The following MEGF10 variants were observed in gnomAD, a reference collection of about 807,000 sequenced individuals.
The protein encoded by MEGF10 is multiple epidermal growth factor-like domains protein 10.
MEGF10 carries 86 observed loss-of-function variants against 147.5 expected under a neutral mutation model. The observed-to-expected ratio is 0.58, with a 90% CI of 0.49 to 0.70. The LOEUF is 0.70. Ranked by LOEUF, MEGF10 falls within the 30% of genes least tolerant of loss-of-function variation. The pLI is 0.00. For synonymous variants in MEGF10, 478 were observed against 525.5 expected, an observed-to-expected ratio of 0.91 and a Z score of 1.24; for missense variants, 1,329 against 1,487.3, an observed-to-expected ratio of 0.89 and a Z score of 1.75.
At chr5:127,247,338 G>C in the MEGF10 span, among the ~76,000 whole-genome samples, 1 of 2,566 alleles carries the variant, frequency 3.9e-4, no homozygotes, top group East Asian at 0.012. Flanking sequence ...AGAAGAAGAA[G>C]AAGAAGAAGA....
intron 1 of MEGF10, among the ~76,000 whole-genome samples, chr5:127,316,987 G>A (rs979366941): frequency 3.3e-5 from 5 of 152,224 alleles, no homozygotes; most frequent in South Asian, 2.1e-4. Context: ...CAGCATGGGC[G>A]AAGACAGAGG....
At chr5:127,389,573 T>C (rs1211731965) in intron 5 of MEGF10, among the ~76,000 whole-genome samples, 1 of 152,174 alleles carries the variant, frequency 6.6e-6, no homozygotes, top group Non-Finnish European at 1.5e-5. Context: ...AAATACACCA[T>C]GGAATACTGT....
At chr5:127,366,360 A>T (rs1412841747) in intron 4 of MEGF10, among the ~76,000 whole-genome samples, 1 of 152,176 alleles carries the variant, frequency 6.6e-6, no homozygotes, top group African/African-American at 2.4e-5. Flanking sequence ...TGCAGCAGAG[A>T]TGGCACTTGT....
intron 14 of MEGF10, among the ~76,000 whole-genome samples, chr5:127,433,952 G>T (rs1249599877): frequency 6.6e-6 from 1 of 152,142 alleles, no homozygotes; most frequent in Non-Finnish European, 1.5e-5. Flanking sequence ...CAGTGCTATG[G>T]GGAAAATGGA....
chr5:127,290,736 T>C (rs370068698), upstream of MEGF10: 1 of 153,010 alleles, frequency 6.5e-6, no homozygotes, highest in Non-Finnish European at 1.5e-5. Flanking sequence ...CAGCGGCAAC[T>C]GCTCGAATCC....
intron 1 of MEGF10, among the ~76,000 whole-genome samples, chr5:127,312,902 GA>G (rs1397313406): frequency 6.6e-6 from 1 of 152,040 alleles, no homozygotes; most frequent in Non-Finnish European, 1.5e-5. Context: ...AAATTATCTT[GA>G]AAAAAATTTA....
At chr5:127,433,624 C>T in intron 14 of MEGF10, 115 bp downstream of exon 14, 1 of 1,255,462 alleles carries the variant, frequency 8.0e-7, no homozygotes, top group Non-Finnish European at 1.1e-6. Context: ...CAGTTGAAGG[C>T]AAAAGAGAGT....
chr5:127,441,009 C>A, intron 18 of MEGF10, 142 bp downstream of exon 18: 1 of 1,096,578 alleles, frequency 9.1e-7, no homozygotes, highest in Non-Finnish European at 1.3e-6. Context: ...GCATGACTGA[C>A]TTCCCCTCCC....
At chr5:127,235,997 A>G in the MEGF10 span, among the ~76,000 whole-genome samples, 2 of 151,376 alleles carry the variant, frequency 1.3e-5, no homozygotes, top group Non-Finnish European at 2.9e-5. Flanking sequence ...TTTTTGAGAC[A>G]GAGTCTCGCT....
At chr5:127,338,916 G>T (rs570033173) in intron 2 of MEGF10, among the ~76,000 whole-genome samples, 1 of 151,908 alleles carries the variant, frequency 6.6e-6, no homozygotes, top group African/African-American at 2.4e-5. Flanking sequence ...AGCACAAATC[G>T]TTGTATTTTA....
chr5:127,247,021 A>G, the MEGF10 span, among the ~76,000 whole-genome samples: 1 of 41,938 alleles, frequency 2.4e-5, no homozygotes, highest in East Asian at 6.2e-4. Flanking sequence ...CACACCATAC[A>G]TACATAAATG....
At chr5:127,330,910 G>A (rs1182638654) in intron 1 of MEGF10, among the ~76,000 whole-genome samples, 3 of 152,246 alleles carry the variant, frequency 2.0e-5, no homozygotes, top group East Asian at 3.9e-4. Context: ...AACAAATGAG[G>A]CCAGCTACCT....
In MEGF10 at chr5:127,457,154, G is replaced by A. The variant is rs1273157403; in HGVS notation, c.3259G>A (p.Val1087Ile). The change falls in exon 25 of 25, where the codon GTA becomes ATA. Residue 1087 changes from valine to isoleucine, a missense_variant. This residue lies in a region of MEGF10 where 343 missense variants were observed against 377.9 expected (regional missense o/e 0.91). Transcript: ENST00000503335. ...VEPTVSVVQG[V>I]FSNNGRLSQD... ...ACCTACAGTGAGTGTTGTCCAAGGA[G>A]TATTCAGCAATAATGGGCGTCTCTC... is the stretch of plus-strand genomic sequence containing the variant. 6.2e-7 allele frequency: 1 copy of A among 1,613,774 alleles called. No individual in the cohort carries two copies. Among genetic ancestry groups the A allele is most frequent in the Non-Finnish European group, 8.5e-7 (1 of 1,179,872 alleles).
At chr5:127,394,265 A>T (rs1233597094) in intron 5 of MEGF10, among the ~76,000 whole-genome samples, 2 of 152,228 alleles carry the variant, frequency 1.3e-5, no homozygotes, top group African/African-American at 4.8e-5. Context: ...AAAAGGATAA[A>T]TGAAATTGAA....
chr5:127,455,962 C>T (rs1269577449), intron 24 of MEGF10, among the ~76,000 whole-genome samples: 3 of 152,050 alleles, frequency 2.0e-5, no homozygotes, highest in South Asian at 2.1e-4. Flanking sequence ...TTAATAGATG[C>T]GACCTGTGTT....
At chr5:127,363,624 G>A (rs1216872766) in intron 4 of MEGF10, among the ~76,000 whole-genome samples, 1 of 152,174 alleles carries the variant, frequency 6.6e-6, no homozygotes, top group African/African-American at 2.4e-5. Flanking sequence ...GTAAGATTCT[G>A]TTAATAAAGG....
chr5:127,422,261 C>G (rs950899143), intron 12 of MEGF10, among the ~76,000 whole-genome samples: 6 of 152,122 alleles, frequency 3.9e-5, no homozygotes, highest in African/African-American at 7.2e-5. Context: ...TGGCTCACGC[C>G]TGTAATCCAA....
chr5:127,296,699 A>G (rs951415072), intron 1 of MEGF10, among the ~76,000 whole-genome samples: 2 of 152,222 alleles, frequency 1.3e-5, no homozygotes, highest in African/African-American at 4.8e-5. Flanking sequence ...TTTCTTAAAA[A>G]ATAATTTTTG....
chr5:127,293,206 C>G (rs1255890776), intron 1 of MEGF10, among the ~76,000 whole-genome samples: 1 of 152,172 alleles, frequency 6.6e-6, no homozygotes, highest in Admixed American at 6.5e-5. Flanking sequence ...GTTTTTGAAC[C>G]CCCACTTTTC....
Sources: gnomAD v4.1 joint callset for allele counts (sites outside exome capture counted in the v4.1 genomes callset) on GRCh38, gnomAD v4.1.1 for gene constraint, gnomAD v4.1.1 regional missense constraint, MANE v1.5 for transcripts, NCBI Gene and HGNC (gene_info 2026-07-23, HGNC 2026-07-21) for gene names.